The following CDH13 variants were observed in gnomAD, a reference collection of about 807,000 sequenced individuals.
CDH13 encodes cadherin-13.
A neutral mutation model predicts 63.8 loss-of-function variants in CDH13; 24 were observed. The ratio of observed to expected loss-of-function variants is 0.38; its 90% CI spans 0.27 to 0.53. The LOEUF (loss-of-function observed/expected upper bound fraction) is 0.53, where lower values mean the gene tolerates loss of function less well. Ranked by LOEUF, CDH13 falls within the 20% of genes least tolerant of loss-of-function variation. CDH13 has a pLI of 0.85. For synonymous variants in CDH13, 503 were observed against 355.3 expected (o/e 1.42, Z -4.67); for missense variants, 1,049 against 903.1 (o/e 1.16, Z -2.07).
intron 6 of CDH13, among the ~76,000 whole-genome samples, chr16:83,428,073 A>T (rs1009869660): frequency 2.0e-5 from 3 of 152,172 alleles, no homozygotes; most frequent in Non-Finnish European, 2.9e-5. Context: ...TGACACAGAG[A>T]GGGTCATTTA....
chr16:83,503,119 A>G lies in CDH13; in HGVS notation c.960+16464A>G, dbSNP rs527361237. On this transcript the variant is annotated intron_variant, in intron 7 of 13. Coordinates refer to ENST00000567109, the MANE Select transcript of CDH13 (RefSeq NM_001257.5). ...TTGTAGGTGCTCAATACACATTGGT[A>G]AGAATGTTCACATCATCAGGTAAGC... Among the ~76,000 whole-genome samples, 4 of 152,352 alleles carry G rather than the reference A, an allele frequency of 2.6e-5. No homozygotes were observed. The South Asian group carries it at 8.3e-4, about 32-fold the overall frequency.
chr16:83,700,099 G>T (rs1436540049), intron 10 of CDH13, among the ~76,000 whole-genome samples: 1 of 152,068 alleles, frequency 6.6e-6, no homozygotes, highest in Admixed American at 6.6e-5. Context: ...CTTTACCTCA[G>T]CCCCAGGCAA....
At chr16:83,099,892 A>T (rs1243666382) in intron 3 of CDH13, among the ~76,000 whole-genome samples, 2 of 152,124 alleles carry the variant, frequency 1.3e-5, no homozygotes, top group East Asian at 3.9e-4. Flanking sequence ...CTGCTGTTTT[A>T]TGCTTTCTTC....
chr16:83,330,308 A>T (rs2090453724), intron 5 of CDH13, among the ~76,000 whole-genome samples: 1 of 152,216 alleles, frequency 6.6e-6, no homozygotes, highest in Admixed American at 6.5e-5. Context: ...ACTGTCCTAT[A>T]GTTTTGTAAG....
intron 2 of CDH13, among the ~76,000 whole-genome samples, chr16:82,866,452 G>A (rs796343300): frequency 1.2e-4 from 14 of 120,914 alleles, no homozygotes; most frequent in East Asian, 5.6e-4. Flanking sequence ...GCAGTGGCAC[G>A]ATCTCAGCTC....
intron 2 of CDH13, among the ~76,000 whole-genome samples, chr16:83,017,546 A>T (rs1914926749): frequency 6.6e-6 from 1 of 152,210 alleles, no homozygotes; most frequent in Non-Finnish European, 1.5e-5. Flanking sequence ...TCTGAGCTTC[A>T]GGTTTTCTCC....
chr16:83,237,585 C>A (rs1213323975), intron 5 of CDH13, among the ~76,000 whole-genome samples: 1 of 152,218 alleles, frequency 6.6e-6, no homozygotes, highest in African/African-American at 2.4e-5. Context: ...TAAATAGCTG[C>A]ATTTGGCTGA....
intron 3 of CDH13, among the ~76,000 whole-genome samples, chr16:83,041,529 G>T (rs1261858897): frequency 6.6e-6 from 1 of 152,012 alleles, no homozygotes; most frequent in Non-Finnish European, 1.5e-5. Context: ...CTGCTAATAC[G>T]TCTCTTACTG....
At chr16:82,906,686 C>T (rs989136272) in intron 2 of CDH13, among the ~76,000 whole-genome samples, 7 of 152,106 alleles carry the variant, frequency 4.6e-5, no homozygotes, top group Non-Finnish European at 7.4e-5. Flanking sequence ...TCTCACAGTT[C>T]TAGTGGTTAG....
chr16:83,281,607 G>A (rs910446077), intron 5 of CDH13, among the ~76,000 whole-genome samples: 5 of 152,018 alleles, frequency 3.3e-5, no homozygotes, highest in South Asian at 2.1e-4. Flanking sequence ...ACATGTCTTC[G>A]TCATTAAGCT....
intron 1 of CDH13, among the ~76,000 whole-genome samples, chr16:82,711,385 C>T (rs1413651931): frequency 6.6e-6 from 1 of 152,090 alleles, no homozygotes. Context: ...TGAGCGGTGG[C>T]ACTTGGGATT....
At chr16:83,608,704 T>C (rs1286522086) in intron 8 of CDH13, among the ~76,000 whole-genome samples, 3 of 150,952 alleles carry the variant, frequency 2.0e-5, no homozygotes, top group Admixed American at 6.6e-5. Context: ...GGCGAGGTTC[T>C]GCCATGTTCC....
chr16:82,706,873 G>A (rs1051125219), intron 1 of CDH13, among the ~76,000 whole-genome samples: 1 of 152,106 alleles, frequency 6.6e-6, no homozygotes, highest in Non-Finnish European at 1.5e-5. Context: ...AGTGAATTAG[G>A]TATATGTGCC....
chr16:83,788,947 G>T (rs538094409), intron 13 of CDH13, among the ~76,000 whole-genome samples: 1 of 152,114 alleles, frequency 6.6e-6, no homozygotes, highest in Non-Finnish European at 1.5e-5. Context: ...GTTAAAAACA[G>T]GTGTTACCAC....
At chr16:83,341,989 CCACACACACACACACACA>C (rs756844839) in intron 5 of CDH13, among the ~76,000 whole-genome samples, 1 of 138,070 alleles carries the variant, frequency 7.2e-6, no homozygotes, top group African/African-American at 2.7e-5. Context: ...GTGTCCCCTG[CCACACACACACACACACA>C]CACACACACA....
intron 6 of CDH13, among the ~76,000 whole-genome samples, chr16:83,419,788 C>T (rs1433424180): frequency 3.9e-5 from 6 of 152,206 alleles, no homozygotes; most frequent in Non-Finnish European, 8.8e-5. Context: ...TTTCTCTGCT[C>T]ATGTTTTCCA....
At chr16:83,506,561 C>G in intron 7 of CDH13, among the ~76,000 whole-genome samples, 1 of 152,290 alleles carries the variant, frequency 6.6e-6, no homozygotes, top group Middle Eastern at 3.4e-3. Flanking sequence ...CTGACTTTTG[C>G]ATATTATGGT....
intron 3 of CDH13, among the ~76,000 whole-genome samples, chr16:83,105,696 G>T (rs539146342): frequency 3.3e-5 from 5 of 152,138 alleles, no homozygotes; most frequent in Admixed American, 2.0e-4. Context: ...CATGGTAATG[G>T]GACCTGGCAG....
intron 5 of CDH13, among the ~76,000 whole-genome samples, chr16:83,272,965 C>A (rs919586281): frequency 2.0e-5 from 3 of 152,064 alleles, no homozygotes; most frequent in African/African-American, 7.2e-5. Flanking sequence ...ACAGTGAGCT[C>A]GGTAAGCACA....
Sources: allele counts gnomAD v4.1 joint callset (sites outside exome capture counted in the v4.1 genomes callset), GRCh38; gene constraint gnomAD v4.1.1; transcripts MANE v1.5; gene names NCBI Gene and HGNC (gene_info 2026-07-23, HGNC 2026-07-21).